Variants in XRN2 observed in about 807,000 individuals in gnomAD.
XRN2 encodes 5'-3' exoribonuclease 2.
In XRN2, 44 loss-of-function variants were observed where a neutral mutation model predicts 138.5. The observed-to-expected ratio is 0.32, with a 90% CI of 0.25 to 0.41. The LOEUF is 0.41. Ranked by LOEUF, XRN2 falls within the 10% of genes least tolerant of loss-of-function variation. XRN2 has a pLI of 1.00. For missense variants in XRN2, 937 were observed against 1,169.3 expected (o/e 0.80, Z 2.90); for synonymous variants, 354 against 369.4 (o/e 0.96, Z 0.48).
chr20:21,303,523 G>A (rs772734894), intron 1 of XRN2, 50 bp downstream of exon 1: 2 of 1,517,018 alleles, frequency 1.3e-6, no homozygotes, highest in Non-Finnish European at 8.8e-7. Context: ...CCCCCGGCAC[G>A]TCTAGGCCGC....
intron 20 of XRN2, among the ~76,000 whole-genome samples, chr20:21,354,283 A>G (rs2038549430): frequency 6.6e-6 from 1 of 152,196 alleles, no homozygotes; most frequent in Non-Finnish European, 1.5e-5. Flanking sequence ...TTTAAAATGT[A>G]AAAAGAATAC....
intron 29 of XRN2, among the ~76,000 whole-genome samples, chr20:21,387,515 A>G (rs539891907): frequency 3.3e-5 from 5 of 152,162 alleles, no homozygotes; most frequent in African/African-American, 9.7e-5. Context: ...TTTCTTCTCA[A>G]TGTAAGCAGC....
At chr20:21,304,452 GC>G (rs1369416640) in intron 1 of XRN2, among the ~76,000 whole-genome samples, 1 of 151,190 alleles carries the variant, frequency 6.6e-6, no homozygotes, top group Non-Finnish European at 1.5e-5. Context: ...AAAAGCAACT[GC>G]TAAATTGAAT....
Position 21,305,474 on chromosome 20 carries a change from C to T in XRN2, c.75+2001C>T, listed in dbSNP as rs1051826949. On this transcript the variant is annotated intron_variant, in intron 1 of 29. Transcript: ENST00000377191. ...TTTGCCATGTTGGTCAGGCTGGTCT[C>T]GAACTCCTGACCTCAGGTGATCCGC... Among the ~76,000 whole-genome samples, 9 of 127,712 alleles carry T rather than the reference C, an allele frequency of 7.0e-5. 1 individual carries two copies. Among genetic ancestry groups the T allele is most frequent in the Non-Finnish European group, 1.5e-4 (9 of 59,666 alleles). 83.8% of individuals were successfully genotyped at this position (127,712 alleles called of 152,430 possible). A position where few individuals can be genotyped will look rare whatever the true frequency, so the allele number is the denominator to read the frequency against.
At chr20:21,363,863 C>T (rs1465721725) in intron 24 of XRN2, among the ~76,000 whole-genome samples, 3 of 152,172 alleles carry the variant, frequency 2.0e-5, no homozygotes, top group East Asian at 1.9e-4. Flanking sequence ...CACTGATAAT[C>T]GATTGATGAA....
rs1029798539 is a variant in XRN2, at chr20:21,360,858, C to T, written c.2255+3066C>T. Among the ~76,000 whole-genome samples the T allele has an allele frequency of 2.0e-5, 3 of 152,116 alleles. No homozygotes were observed. In the East Asian group the frequency reaches 5.8e-4, roughly 29 times the overall value. On this transcript the variant is annotated intron_variant, in intron 24 of 29. Coordinates refer to ENST00000377191, the MANE Select transcript of XRN2 (RefSeq NM_012255.5). The stretch of plus-strand genomic sequence containing the variant: ...CACTTTCGATGCTTAATTGGTTAAC[C>T]TCTTCTGATAGAATGTCACAATCCT...
chr20:21,331,236 G>C (rs2038202977), intron 6 of XRN2, among the ~76,000 whole-genome samples: 1 of 152,124 alleles, frequency 6.6e-6, no homozygotes, highest in African/African-American at 2.4e-5. Flanking sequence ...GAAAATAGGA[G>C]CTTGTGAATG....
intron 24 of XRN2, 112 bp downstream of exon 24, chr20:21,357,904 C>A: frequency 1.2e-6 from 1 of 841,272 alleles, no homozygotes; most frequent in Non-Finnish European, 1.8e-6. Flanking sequence ...TCCACCAATG[C>A]TTCGAGATTG....
intron 1 of XRN2, among the ~76,000 whole-genome samples, chr20:21,325,793 C>CT (rs1197146882): frequency 2.0e-5 from 3 of 152,164 alleles, no homozygotes; most frequent in Non-Finnish European, 2.9e-5. Context: ...AAAGAGAACT[C>CT]TGACAATGCA....
chr20:21,340,570 C>T (rs1025947083), intron 14 of XRN2, 151 bp from the exon 15 acceptor site: 1 of 746,170 alleles, frequency 1.3e-6, no homozygotes, highest in Non-Finnish European at 2.1e-6. Context: ...TGTAGACAAC[C>T]TTGTAATATT....
At position 21,330,723 on chromosome 20, in the gene XRN2, A is replaced by C; in HGVS notation, c.576+18A>C. ...ATTTGACAGTAAGTTTCACATTTTG[A>C]TACTTCAGAAAGATTAGGGTGATCA... On this transcript the variant is annotated intron_variant, in intron 6 of 29. Coordinates refer to ENST00000377191, the MANE Select transcript of XRN2 (RefSeq NM_012255.5). 6.2e-7 allele frequency: 1 copy of C among 1,600,384 alleles called. No homozygotes were observed. Among genetic ancestry groups the C allele is most frequent in the Non-Finnish European group, 8.5e-7 (1 of 1,169,606 alleles).
intron 29 of XRN2, among the ~76,000 whole-genome samples, chr20:21,388,030 C>T (rs910666763): frequency 1.3e-5 from 2 of 152,212 alleles, no homozygotes; most frequent in Non-Finnish European, 2.9e-5. Flanking sequence ...CTCTAAAAAT[C>T]GTGTCAGTGA....
At chr20:21,303,586 C>T (rs1254429950) in intron 1 of XRN2, 113 bp downstream of exon 1, 7 of 1,390,994 alleles carry the variant, frequency 5.0e-6, no homozygotes, top group Non-Finnish European at 5.6e-6. Flanking sequence ...AGCTCGCGCC[C>T]TGCTGCCAGC....
chr20:21,330,428 G>A (rs2038191226), intron 4 of XRN2, 53 bp from the exon 5 acceptor site: 7 of 1,588,368 alleles, frequency 4.4e-6, no homozygotes, highest in Non-Finnish European at 5.1e-6. Context: ...TTAATGTTGA[G>A]TAATTTATCT....
chr20:21,365,343 CA>C, intron 24 of XRN2, 77 bp from the exon 25 acceptor site: 1 of 1,412,422 alleles, frequency 7.1e-7, no homozygotes, highest in Non-Finnish European at 9.7e-7. Flanking sequence ...AGGACTTAAA[CA>C]TGAAAAATAC....
chr20:21,351,293 C>T (rs1405952345), intron 20 of XRN2, among the ~76,000 whole-genome samples: 1 of 152,124 alleles, frequency 6.6e-6, no homozygotes, highest in Non-Finnish European at 1.5e-5. Context: ...AATAACCATG[C>T]TAATGGGTAT....
intron 1 of XRN2, among the ~76,000 whole-genome samples, chr20:21,321,226 C>G (rs993991693): frequency 6.6e-6 from 1 of 151,208 alleles, no homozygotes; most frequent in Non-Finnish European, 1.5e-5. Flanking sequence ...AGGCTGATCC[C>G]AAACTCCTGG....
chr20:21,320,317 T>TTTA (rs2038021703), intron 1 of XRN2, among the ~76,000 whole-genome samples: 1 of 40,572 alleles, frequency 2.5e-5, no homozygotes, highest in Non-Finnish European at 7.1e-5. Flanking sequence ...TTATTTATTT[T>TTTA]GAGACGGAGT....
At chr20:21,375,690 A>C (rs2038812481) in intron 27 of XRN2, among the ~76,000 whole-genome samples, 1 of 151,828 alleles carries the variant, frequency 6.6e-6, no homozygotes, top group African/African-American at 2.4e-5. Context: ...AGGTATGGTG[A>C]ATTTCTAGAC....
Sources: gnomAD v4.1 joint callset for allele counts (sites outside exome capture counted in the v4.1 genomes callset) on GRCh38, gnomAD v4.1.1 for gene constraint, MANE v1.5 for transcripts, NCBI Gene and HGNC (gene_info 2026-07-23, HGNC 2026-07-21) for gene names.